The following UBE2V1 variants were observed in gnomAD, a reference collection of about 807,000 sequenced individuals.
UBE2V1 encodes the protein ubiquitin conjugating enzyme E2 V1, also known as ubiquitin-conjugating enzyme E2 variant 1.
In UBE2V1, 15 loss-of-function variants were observed where a neutral mutation model predicts 19.6. That is an observed-to-expected ratio of 0.77 (90% CI 0.51 to 1.18). The LOEUF (loss-of-function observed/expected upper bound fraction) is 1.18. UBE2V1 is among the 50% of genes most tolerant of loss of function. The pLI is 0.00. For missense variants in UBE2V1, 125 were observed against 184.8 expected (o/e 0.68, Z 1.88); for synonymous variants, 60 against 60.7 (o/e 0.99, Z 0.05).
chr20:50,087,342 G>C (rs2078978342), intron 2 of UBE2V1, among the ~76,000 whole-genome samples: 1 of 148,638 alleles, frequency 6.7e-6, no homozygotes, highest in African/African-American at 2.5e-5. Context: ...GTTGCAGTGA[G>C]CCGAGACTGC....
At position 50,097,185 on chromosome 20, in the gene UBE2V1, C is replaced by A. The variant is rs114095360; in HGVS notation, c.23-365G>T. On this transcript the variant is annotated intron_variant, in intron 1 of 3. Coordinates refer to ENST00000371674, the MANE Select transcript of UBE2V1 (RefSeq NM_001032288.3). ...TCAATATCAGGTGCTAACAAAAGTA[C>A]CTTGGAAGACAAGAGGCTAAGACTA... Among the ~76,000 whole-genome samples the A allele has an allele frequency of 3.9e-3, 588 of 152,208 alleles. 6 individuals are homozygous for A. Among genetic ancestry groups the A allele is most frequent in the African/African-American group, 0.014 (567 of 41,526 alleles).
intron 1 of UBE2V1, among the ~76,000 whole-genome samples, chr20:50,103,159 G>C (rs2080115869): frequency 6.6e-6 from 1 of 152,128 alleles, no homozygotes; most frequent in South Asian, 2.1e-4. Flanking sequence ...TTTGTTCACT[G>C]CTGAATCTCC....
chr20:50,111,868 C>T (rs150440315), intron 1 of UBE2V1, among the ~76,000 whole-genome samples: 136 of 152,330 alleles, frequency 8.9e-4, no homozygotes, highest in Non-Finnish European at 1.6e-3. Flanking sequence ...GTCCCTGCAG[C>T]CCCACAGTGG....
At chr20:50,086,232 C>T (rs1172418919) in intron 2 of UBE2V1, among the ~76,000 whole-genome samples, 1 of 152,146 alleles carries the variant, frequency 6.6e-6, no homozygotes, top group Non-Finnish European at 1.5e-5. Flanking sequence ...CACCTTGGGG[C>T]TCTCACCCCA....
At position 50,087,319 on chromosome 20, in the gene UBE2V1, C is replaced by A. The variant is rs1158047242; in HGVS notation, c.172-3065G>T. Among the ~76,000 whole-genome samples, 3 of 150,120 alleles carry A rather than the reference C, an allele frequency of 2.0e-5. No homozygotes were observed. In the East Asian group the frequency reaches 5.9e-4, roughly 29 times the overall value. On this transcript the variant is annotated intron_variant, in intron 2 of 3. Coordinates refer to ENST00000371674, the MANE Select transcript of UBE2V1 (RefSeq NM_001032288.3). ...GCTGAGACAGGTGAACTGCTTAAAC[C>A]TGGGAGGTGGAAGTTGCAGTGAGCC... is the stretch of plus-strand genomic sequence containing the variant.
chr20:50,104,046 G>T (rs1020595147), intron 1 of UBE2V1, among the ~76,000 whole-genome samples: 3 of 151,720 alleles, frequency 2.0e-5, no homozygotes, highest in African/African-American at 7.3e-5. Flanking sequence ...CACTTTGGAA[G>T]GCTGAGACAG....
chr20:50,087,574 G>T (rs563208789), intron 2 of UBE2V1, among the ~76,000 whole-genome samples: 1 of 152,284 alleles, frequency 6.6e-6, no homozygotes, highest in Non-Finnish European at 1.5e-5. Flanking sequence ...CTGCTCTTAA[G>T]ATTCATTATT....
chr20:50,087,337 A>C (rs1294157322), intron 2 of UBE2V1, among the ~76,000 whole-genome samples: 2 of 149,192 alleles, frequency 1.3e-5, no homozygotes, highest in African/African-American at 5.0e-5. Flanking sequence ...TGGAAGTTGC[A>C]GTGAGCCGAG....
intron 2 of UBE2V1, chr20:50,096,407 G>T (rs1168598943): frequency 2.8e-6 from 2 of 703,380 alleles, no homozygotes; most frequent in African/African-American, 3.6e-5. Flanking sequence ...ACATCTGATG[G>T]TGCAATGACT....
chr20:50,097,311 C>G (rs745528754), intron 1 of UBE2V1, among the ~76,000 whole-genome samples: 1 of 152,232 alleles, frequency 6.6e-6, no homozygotes, highest in African/African-American at 2.4e-5. Flanking sequence ...TAAGAGTCAA[C>G]TGAAGGCACC....
intron 2 of UBE2V1, chr20:50,095,422 A>G (rs1444927375): frequency 6.6e-6 from 1 of 152,256 alleles, no homozygotes; most frequent in Non-Finnish European, 1.5e-5. Flanking sequence ...AAATGAGTAA[A>G]AACAGATCAA....
intron 2 of UBE2V1, 34 bp from the exon 3 acceptor site, chr20:50,084,288 TACAA>T (rs747039272): frequency 5.6e-6 from 9 of 1,610,112 alleles, no homozygotes; most frequent in East Asian, 2.2e-5. Context: ...GTCACGCAAT[TACAA>T]ACAAAGCATT....
intron 2 of UBE2V1, among the ~76,000 whole-genome samples, chr20:50,093,039 T>C (rs1451226842): frequency 6.6e-6 from 1 of 152,252 alleles, no homozygotes; most frequent in African/African-American, 2.4e-5. Context: ...TAATTTACTT[T>C]TTCACAATAT....
chr20:50,087,721 G>A (rs1458073866), intron 2 of UBE2V1, among the ~76,000 whole-genome samples: 1 of 152,142 alleles, frequency 6.6e-6, no homozygotes, highest in East Asian at 1.9e-4. Flanking sequence ...TCAGAGAGAC[G>A]CAAACTTGTG....
In UBE2V1 at chr20:50,082,887, C is replaced by T. The variant is rs766103860; in HGVS notation, c.325G>A (p.Ala109Thr). The T allele has an allele frequency of 3.1e-6, 5 of 1,610,606 alleles. No individual in the cohort carries two copies. The South Asian group carries it at 5.5e-5, about 18-fold the overall frequency. Reference protein sequence around the residue: ...VVDPRAISVLAKWQNSYSIKV... With the variant: ...VVDPRAISVLTKWQNSYSIKV... The stretch of plus-strand genomic sequence containing the variant: ...ATGCTATATGAATTCTGCCATTTTG[C>T]TAGCACTGATATGGCTCTTGGGTCC... Residue 109 changes from alanine (A) to threonine (T), a missense_variant, in exon 4 of 4, where the codon GCA becomes ACA. This residue lies in a region of UBE2V1 where 78 missense variants were observed against 108.8 expected (regional missense o/e 0.72). Transcript: ENST00000371674.
chr20:50,099,104 T>C (rs1488231711), intron 1 of UBE2V1: 4 of 326,482 alleles, frequency 1.2e-5, no homozygotes, highest in Non-Finnish European at 1.8e-5. Flanking sequence ...ACTACATTAC[T>C]ACTGGTTAAT....
At chr20:50,106,703 G>A (rs2080381590) in intron 1 of UBE2V1, among the ~76,000 whole-genome samples, 1 of 27,060 alleles carries the variant, frequency 3.7e-5, no homozygotes, top group Non-Finnish European at 5.4e-5. Context: ...GGTGGCGCAT[G>A]CCTGTAATCG....
At chr20:50,097,349 A>G (rs1259942660) in intron 1 of UBE2V1, among the ~76,000 whole-genome samples, 1 of 152,238 alleles carries the variant, frequency 6.6e-6, no homozygotes, top group African/African-American at 2.4e-5. Context: ...TTGTTTTTCA[A>G]TTATTTAAGT....
chr20:50,111,302 G>A (rs1048290105), intron 1 of UBE2V1: 1 of 990,118 alleles, frequency 1.0e-6, no homozygotes, highest in Non-Finnish European at 1.2e-6. Flanking sequence ...TTAACTGTCA[G>A]GGTCTGGAGA....
Sources: allele counts gnomAD v4.1 joint callset (sites outside exome capture counted in the v4.1 genomes callset), GRCh38; gene constraint gnomAD v4.1.1; regional missense constraint gnomAD v4.1.1; transcripts MANE v1.5; gene names NCBI Gene and HGNC (gene_info 2026-07-23, HGNC 2026-07-21).